The following RNF17 variants were observed in gnomAD, a reference collection of about 807,000 sequenced individuals.
RNF17 encodes ring finger protein 17, also known as spermatogenesis associated 23.
RNF17 carries 31 observed loss-of-function variants against 200.5 expected under a neutral mutation model. The ratio of observed to expected loss-of-function variants is 0.15; its 90% CI spans 0.12 to 0.21. RNF17 has a LOEUF of 0.21. RNF17 is among the 10% of genes least tolerant of loss of function. The pLI, the probability that RNF17 is intolerant of heterozygous loss-of-function variation, is 1.00. For synonymous variants in RNF17, 606 were observed against 637.8 expected (o/e 0.95, Z 0.75); for missense variants, 1,628 against 1,905.1 (o/e 0.85, Z 2.71).
chr13:24,799,684 T>C (rs974704442), intron 12 of RNF17, 100 bp downstream of exon 12: 6 of 702,220 alleles, frequency 8.5e-6, no homozygotes, highest in Non-Finnish European at 9.5e-6. Flanking sequence ...GAGGAGTAAT[T>C]TGTCATTCTT....
the RNF17 span, chr13:24,885,659 G>A: frequency 1.2e-5 from 19 of 1,611,656 alleles, no homozygotes; most frequent in African/African-American, 4.0e-5. Flanking sequence ...TTGGATCTTC[G>A]AGGTGGATTG....
In RNF17 at chr13:24,793,310, G is replaced by T. The variant is rs1335198466; in HGVS notation, c.1204G>T (p.Val402Leu). 1.3e-6 allele frequency: 2 copies of T among 1,593,016 alleles called. No individual in the cohort carries two copies. Among genetic ancestry groups the T allele is most frequent in the Non-Finnish European group, 1.7e-6 (2 of 1,173,298 alleles). Residue 402 changes from valine to leucine, a missense_variant, in exon 10 of 36, where the codon GTG becomes TTG. By Grantham distance (32) the Val-to-Leu change is conservative. Coordinates refer to ENST00000255324, the MANE Select transcript of RNF17 (RefSeq NM_031277.3). ...VLPQMGSSPDVIIEEIIEDNV... is the reference protein window; with the variant it reads ...VLPQMGSSPDLIIEEIIEDNV... ...ACCTCAGATGGGATCTAGCCCTGAT[G>T]TGATAATTGAAGAAATTATTGAAGA...
intron 15 of RNF17, among the ~76,000 whole-genome samples, chr13:24,816,398 GT>G (rs1887413053): frequency 6.6e-6 from 1 of 152,096 alleles, no homozygotes; most frequent in Admixed American, 6.6e-5. Flanking sequence ...CCATGTGGCT[GT>G]TTGCAGTGTG....
chr13:24,879,282 A>G lies in RNF17; in HGVS notation c.4869A>G (p.Glu1623=), dbSNP rs2275939. Reference sequence around the variant, plus strand: ...AAATGGGGCTTGCAGATAAAGATGAATAAGTGCCTAAGTGTAAGTTCTCAT... The same window carrying G: ...AAATGGGGCTTGCAGATAAAGATGAGTAAGTGCCTAAGTGTAAGTTCTCAT... ...LVEMGLADKD[E] is the part of the protein sequence containing the mutation. Residue 1623 remains glutamate (E), a synonymous_variant, in exon 35 of 36, where the codon GAA becomes GAG. Transcript: ENST00000255324. 7.0e-3 allele frequency: 11,256 copies of G among 1,597,146 alleles called. 339 individuals are homozygous for G. The East Asian group carries it at 0.1, about 14-fold the overall frequency.
intron 15 of RNF17, among the ~76,000 whole-genome samples, chr13:24,806,796 C>A (rs565507519): frequency 3.9e-4 from 46 of 117,314 alleles, no homozygotes; most frequent in Non-Finnish European, 2.9e-4. Flanking sequence ...TATCCCTCCC[C>A]CCTCCCCCCA....
At chr13:24,757,414 C>G in the RNF17 span, among the ~76,000 whole-genome samples, 1 of 151,834 alleles carries the variant, frequency 6.6e-6, no homozygotes, top group Non-Finnish European at 1.5e-5. Flanking sequence ...ACCTCCGCCT[C>G]CTGGGTTGAA....
At chr13:24,755,339 A>T in the RNF17 span, among the ~76,000 whole-genome samples, 1 of 152,196 alleles carries the variant, frequency 6.6e-6, no homozygotes, top group South Asian at 2.1e-4. Context: ...GATTACACCA[A>T]GAGGTATTGC....
At chr13:24,750,261 T>A in the RNF17 span, among the ~76,000 whole-genome samples, 1 of 152,358 alleles carries the variant, frequency 6.6e-6, no homozygotes, top group South Asian at 2.1e-4. Flanking sequence ...TTAACATTCC[T>A]TTTTGTTTGT....
intron 26 of RNF17, among the ~76,000 whole-genome samples, chr13:24,860,693 G>A (rs2138310596): frequency 6.6e-6 from 1 of 152,088 alleles, no homozygotes; most frequent in East Asian, 1.9e-4. Context: ...ATTTCAAAAA[G>A]GGATTGCTCT....
chr13:24,785,542 C>T (rs1017485549), intron 6 of RNF17, among the ~76,000 whole-genome samples: 2 of 152,144 alleles, frequency 1.3e-5, no homozygotes, highest in African/African-American at 2.4e-5. Flanking sequence ...ATGTTACATG[C>T]ACACTTGAGA....
chr13:24,790,223 C>A (rs17081170), intron 9 of RNF17, among the ~76,000 whole-genome samples: 2 of 151,848 alleles, frequency 1.3e-5, no homozygotes, highest in African/African-American at 4.8e-5. Flanking sequence ...AATTAAGTAG[C>A]AAGTAGAAAG....
Position 24,877,238 on chromosome 13 carries a change from C to CT in RNF17, c.4773+55dup, listed in dbSNP as rs534387362. 238 of 1,475,842 alleles carry CT rather than the reference C, an allele frequency of 1.6e-4. No individual in the cohort carries two copies. The African/African-American group carries it at 3.1e-3, about 19-fold the overall frequency. The allele number at this position is 1,475,842 out of a possible 1,614,324, so 91.4% of individuals were successfully genotyped here. On this transcript the variant is annotated intron_variant, in intron 34 of 35. Coordinates refer to ENST00000255324, the MANE Select transcript of RNF17 (RefSeq NM_031277.3). Reference sequence around the variant, plus strand: ...TTGTAAAGCTATTTCTGTGTCGATACTTTGTAAAGTGTTTGTTTCTATGCA... The same window carrying CT: ...TTGTAAAGCTATTTCTGTGTCGATACTTTTGTAAAGTGTTTGTTTCTATGCA...
chr13:24,798,540 T>C (rs1884874897), intron 11 of RNF17, among the ~76,000 whole-genome samples: 1 of 152,190 alleles, frequency 6.6e-6, no homozygotes, highest in African/African-American at 2.4e-5. Context: ...ACCAGATTCA[T>C]TTCCAAAATA....
intron 2 of RNF17, among the ~76,000 whole-genome samples, 166 bp downstream of exon 2, chr13:24,767,532 G>A (rs919687769): frequency 5.3e-5 from 8 of 152,066 alleles, no homozygotes. Context: ...GGCAGATCAC[G>A]AGATCAAGAG....
intron 27 of RNF17, among the ~76,000 whole-genome samples, 189 bp downstream of exon 27, chr13:24,861,576 G>A (rs941348552): frequency 2.0e-5 from 3 of 152,184 alleles, no homozygotes; most frequent in Non-Finnish European, 4.4e-5. Flanking sequence ...ACTCAAGGCT[G>A]TAAAACATCT....
chr13:24,881,122 C>T (rs1244446289), downstream of RNF17, among the ~76,000 whole-genome samples: 1 of 151,904 alleles, frequency 6.6e-6, no homozygotes. Context: ...GTAATATCAT[C>T]ATTTGACAGA....
chr13:24,831,044 G>A (rs1215596950), intron 17 of RNF17, among the ~76,000 whole-genome samples: 1 of 152,214 alleles, frequency 6.6e-6, no homozygotes, highest in Non-Finnish European at 1.5e-5. Flanking sequence ...AGAAGGGTAA[G>A]AAGGAGCCTT....
upstream of RNF17, among the ~76,000 whole-genome samples, chr13:24,762,369 TAAAAAAA>T (rs370600110): frequency 6.2e-4 from 71 of 113,880 alleles, no homozygotes; most frequent in Admixed American, 7.8e-4. Context: ...ACTCCATTTC[TAAAAAAA>T]AAAAAAAAAA....
chr13:24,858,403 A>ACC (rs1489855091), intron 25 of RNF17, among the ~76,000 whole-genome samples: 1 of 152,066 alleles, frequency 6.6e-6, no homozygotes, highest in African/African-American at 2.4e-5. Context: ...TGATACTGAC[A>ACC]GGTACTGTTA....
Sources: allele counts gnomAD v4.1 joint callset (sites outside exome capture counted in the v4.1 genomes callset), GRCh38; gene constraint gnomAD v4.1.1; transcripts MANE v1.5; gene names NCBI Gene and HGNC (gene_info 2026-07-23, HGNC 2026-07-21).